Variants in FRMPD4 observed in about 807,000 individuals in gnomAD.
FRMPD4 encodes FERM and PDZ domain-containing protein 4.
In FRMPD4, 22 loss-of-function variants were observed where a neutral mutation model predicts 94.1. That is an observed-to-expected ratio of 0.23 (90% confidence interval 0.17 to 0.33). FRMPD4 has a LOEUF of 0.33. Ranked by LOEUF, FRMPD4 falls within the 10% of genes least tolerant of loss-of-function variation. The pLI is 1.00. For missense variants in FRMPD4, 1,111 were observed against 1,339.9 expected (o/e 0.83, Z 2.67); for synonymous variants, 631 against 548.6 (o/e 1.15, Z -2.10).
intron 3 of FRMPD4, among the ~76,000 whole-genome samples, chrX:11,914,281 A>C (rs773878929): frequency 1.0e-5 from 1 of 99,581 alleles, no homozygotes; most frequent in East Asian, 3.5e-4. Context: ...TAGAAATATG[A>C]CTTTTTTTTC....
At chrX:12,292,667 A>G in intron 1 of FRMPD4, among the ~76,000 whole-genome samples, 1 of 111,882 alleles carries the variant, frequency 8.9e-6, no homozygotes, top group Non-Finnish European at 1.9e-5. Flanking sequence ...TTGAGGTCAG[A>G]TACTTCAGGA....
intron 1 of FRMPD4, among the ~76,000 whole-genome samples, chrX:12,359,990 C>T (rs987590569): frequency 8.9e-5 from 10 of 112,012 alleles, no homozygotes; most frequent in African/African-American, 2.9e-4. Flanking sequence ...CTGTGAATCA[C>T]GCTTGATGGA....
At chrX:12,277,310 G>T (rs2054456996) in intron 1 of FRMPD4, among the ~76,000 whole-genome samples, 1 of 111,389 alleles carries the variant, frequency 9.0e-6, no homozygotes, top group African/African-American at 3.3e-5. Flanking sequence ...AAAAAAACAT[G>T]CACATTTATT....
At chrX:12,446,135 A>T (rs2057192091) in intron 1 of FRMPD4, among the ~76,000 whole-genome samples, 1 of 112,427 alleles carries the variant, frequency 8.9e-6, no homozygotes, top group African/African-American at 3.2e-5. Context: ...GGCTATCTAG[A>T]CCACTGACTT....
chrX:11,825,442 G>T (rs1279521443), intron 1 of FRMPD4, among the ~76,000 whole-genome samples: 1 of 110,537 alleles, frequency 9.0e-6, no homozygotes, highest in Non-Finnish European at 1.9e-5. Context: ...AATACCAAAA[G>T]AAAGGGAAAT....
chrX:12,479,407 T>TATATATACATATATACAC (rs1267113634), intron 1 of FRMPD4, among the ~76,000 whole-genome samples: 14 of 84,167 alleles, frequency 1.7e-4, no homozygotes, highest in African/African-American at 3.6e-4. Flanking sequence ...TATATACACA[T>TATATATACATATATACAC]ATATATACAT....
At chrX:12,610,073 T>C (rs2059166765) in intron 3 of FRMPD4, among the ~76,000 whole-genome samples, 192 bp downstream of exon 3, 1 of 112,373 alleles carries the variant, frequency 8.9e-6, no homozygotes, top group Admixed American at 9.4e-5. Flanking sequence ...AAATCCATCA[T>C]TATCACCAGA....
At position 12,610,449 on chromosome X, in the gene FRMPD4, A is replaced by C. The variant is rs188275772; in HGVS notation, c.319+568A>C. On this transcript the variant is annotated intron_variant, in intron 3 of 16. Transcript: ENST00000675598. ...TGTTTCCTGAGCTTCTGCCATGGCTATAAGAAGAGAGTTTTTGGCTGGGTG... is the reference window on the plus strand; with the variant it reads ...TGTTTCCTGAGCTTCTGCCATGGCTCTAAGAAGAGAGTTTTTGGCTGGGTG... 2.5e-3 allele frequency among the ~76,000 whole-genome samples: 277 copies of C among 112,939 alleles called. 1 individual carries two copies. Among genetic ancestry groups the C allele is most frequent in the African/African-American group, 8.3e-3 (258 of 31,138 alleles).
At chrX:11,983,154 G>A (rs2054406004) in intron 3 of FRMPD4, among the ~76,000 whole-genome samples, 1 of 112,293 alleles carries the variant, frequency 8.9e-6, no homozygotes, top group Non-Finnish European at 1.9e-5. Flanking sequence ...GCTCACCCAT[G>A]TGTGGACAAG....
At chrX:12,451,174 T>C (rs1445491347) in intron 1 of FRMPD4, among the ~76,000 whole-genome samples, 2 of 111,393 alleles carry the variant, frequency 1.8e-5, no homozygotes, top group Non-Finnish European at 3.8e-5. Context: ...TTCTCCTCCT[T>C]CAAGTCTTTG....
intron 14 of FRMPD4, among the ~76,000 whole-genome samples, chrX:12,713,172 T>G (rs1569070505): frequency 3.6e-5 from 4 of 112,220 alleles, no homozygotes; most frequent in African/African-American, 9.7e-5. Context: ...AACCAATTTT[T>G]GGCTTTTTAT....
intron 3 of FRMPD4, among the ~76,000 whole-genome samples, chrX:12,026,620 T>C (rs2054662927): frequency 8.9e-6 from 1 of 112,200 alleles, no homozygotes; most frequent in Non-Finnish European, 1.9e-5. Context: ...CATGTGCCAT[T>C]GTATTCTATC....
At chrX:12,482,259 A>C in intron 1 of FRMPD4, among the ~76,000 whole-genome samples, 1 of 111,684 alleles carries the variant, frequency 9.0e-6, no homozygotes, top group Non-Finnish European at 1.9e-5. Context: ...TTTCACCCTG[A>C]AAGAACTGTA....
At chrX:12,555,767 C>T (rs1273501050) in intron 2 of FRMPD4, among the ~76,000 whole-genome samples, 2 of 112,114 alleles carry the variant, frequency 1.8e-5, no homozygotes, top group Non-Finnish European at 3.8e-5. Flanking sequence ...ACCTAGAGTA[C>T]TCTGTGGATG....
intron 3 of FRMPD4, among the ~76,000 whole-genome samples, chrX:11,894,940 C>T (rs956525624): frequency 1.8e-5 from 2 of 111,981 alleles, no homozygotes; most frequent in African/African-American, 6.5e-5. Context: ...GAGTGATCTA[C>T]ATGCGGCAGA....
intron 1 of FRMPD4, among the ~76,000 whole-genome samples, chrX:12,226,631 C>A (rs1388893730): frequency 1.8e-5 from 2 of 111,224 alleles, no homozygotes; most frequent in Non-Finnish European, 3.8e-5. Context: ...TTATCCATAG[C>A]AAAACAGTAG....
At chrX:12,589,999 A>G (rs1192308038) in intron 2 of FRMPD4, among the ~76,000 whole-genome samples, 1 of 112,308 alleles carries the variant, frequency 8.9e-6, no homozygotes, top group African/African-American at 3.2e-5. Flanking sequence ...CTATAATTAA[A>G]TGATGAAATG....
chrX:12,683,246 T>C (rs914743997), intron 5 of FRMPD4, among the ~76,000 whole-genome samples: 1 of 112,163 alleles, frequency 8.9e-6, no homozygotes, highest in Non-Finnish European at 1.9e-5. Flanking sequence ...ATGTGCTCAG[T>C]TAAAACATGG....
At chrX:11,933,387 T>C (rs1041865285) in intron 3 of FRMPD4, among the ~76,000 whole-genome samples, 5 of 112,374 alleles carry the variant, frequency 4.4e-5, no homozygotes, top group Non-Finnish European at 1.9e-5. Context: ...GCTGCCCTAG[T>C]TTTGGATTAT....
Sources: gnomAD v4.1 joint callset for allele counts (sites outside exome capture counted in the v4.1 genomes callset) on GRCh38, gnomAD v4.1.1 for gene constraint, MANE v1.5 for transcripts, NCBI Gene and HGNC (gene_info 2026-07-23, HGNC 2026-07-21) for gene names.